Variants in ZNF76 observed in about 807,000 individuals in gnomAD.
ZNF76 encodes the protein zinc finger protein 76.
Under a neutral mutation model 66.9 loss-of-function variants are expected in ZNF76, and 66 were observed. That is an observed-to-expected ratio of 0.99 (90% CI 0.81 to 1.21). The LOEUF (loss-of-function observed/expected upper bound fraction) is 1.21, where lower values mean the gene tolerates loss of function less well. ZNF76 is among the 50% of genes most tolerant of loss of function. The probability of loss-of-function intolerance (pLI) is 0.00; values close to 1 mark genes in which losing one functional copy is unlikely to be tolerated. For missense variants in ZNF76, 729 were observed against 760.3 expected (o/e 0.96, Z 0.48); for synonymous variants, 275 against 296.1 (o/e 0.93, Z 0.73).
At position 35,294,437 on chromosome 6, in the gene ZNF76, ACCT is replaced by A. The variant is rs368941180; in HGVS notation, c.1495-15_1495-13del. The stretch of plus-strand genomic sequence containing the variant: ...GAGTATACTGCAGGTGGAATGGAAG[ACCT>A]CCTTTTGTCTTTCAGGTCACAATCA... On this transcript the variant is annotated splice_polypyrimidine_tract_variant and intron_variant, in intron 12 of 13. Coordinates refer to ENST00000373953, the MANE Select transcript of ZNF76 (RefSeq NM_003427.5). 3.8e-4 allele frequency: 591 copies of A among 1,551,252 alleles called. 3 individuals are homozygous for A. The African/African-American group carries it at 7.1e-3, about 19-fold the overall frequency.
At chr6:35,280,516 T>TCCC (rs5875514) in intron 1 of ZNF76, among the ~76,000 whole-genome samples, 1,964 of 97,644 alleles carry the variant, frequency 0.02, 40 homozygotes, top group Non-Finnish European at 0.022. Context: ...TCAAGCATGA[T>TCCC]CCCCCCCCCC....
chr6:35,292,987 G>A lies in ZNF76; in HGVS notation c.1272G>A (p.Val424=). The change falls in exon 11 of 14, where the codon GTG becomes GTA. Residue 424 remains valine (V), a synonymous_variant. Coordinates refer to ENST00000373953, the MANE Select transcript of ZNF76 (RefSeq NM_003427.5). This position sits in a 1 kb window ranked among gnomAD's most constrained non-coding sequence, Gnocchi z 4.7. ...RDDIPAQVAM[V]TEEDGAPQVA... The stretch of plus-strand genomic sequence containing the variant: ...ACATCCCAGCCCAGGTGGCGATGGT[G>A]ACTGAAGAAGATGGGGCCCCCCAGG... 1 of 1,614,176 alleles carries A rather than the reference G, an allele frequency of 6.2e-7. No homozygotes were observed. Among genetic ancestry groups the A allele is most frequent in the South Asian group, 1.1e-5 (1 of 91,072 alleles).
chr6:35,292,278 G>T lies in ZNF76; in HGVS notation c.932-276G>T. 1 of 518,328 alleles carries T rather than the reference G, an allele frequency of 1.9e-6. No homozygotes were observed. Among genetic ancestry groups the T allele is most frequent in the East Asian group, 3.4e-5 (1 of 29,510 alleles). The allele number at this position is 518,328 out of a possible 1,614,324, so 32.1% of individuals were successfully genotyped here. A position where few individuals can be genotyped will look rare whatever the true frequency, so the allele number is the denominator to read the frequency against. ...CAACCTCCCACCCTCAACCTTATAA[G>T]CCCCAGTGCCCCCTACCAGCCCCTT... On this transcript the variant is annotated intron_variant, in intron 9 of 13. Coordinates refer to ENST00000373953, the MANE Select transcript of ZNF76 (RefSeq NM_003427.5). The surrounding 1 kb of genome is among the most constrained non-coding windows in gnomAD (Gnocchi z 4.7).
rs183654998 is a variant in ZNF76 at position 35,294,957 on chromosome 6, A to G, written c.1609-187A>G. The G allele has an allele frequency of 2.9e-3, 1,757 of 598,592 alleles. 14 individuals carry two copies. Among genetic ancestry groups the G allele is most frequent in the Middle Eastern group, 0.011 (24 of 2,244 alleles). 37.1% of individuals were successfully genotyped at this position (598,592 alleles called of 1,614,324 possible). On this transcript the variant is annotated intron_variant, in intron 13 of 13. Transcript: ENST00000373953. ...CTGGCTATTCCAGGGCCCCCTGGCC[A>G]TGCCTAGCCTAATAGGACTCTTCAT...
chr6:35,294,440 T>C lies in ZNF76; in HGVS notation c.1495-16T>C. 6.4e-7 allele frequency: 1 copy of C among 1,569,656 alleles called. No homozygotes were observed. The highest frequency in any genetic ancestry group is 8.8e-7 in the Non-Finnish European group (1 of 1,140,752). ...TATACTGCAGGTGGAATGGAAGACC[T>C]CCTTTTGTCTTTCAGGTCACAATCA... is the stretch of plus-strand genomic sequence containing the variant. On this transcript the variant is annotated splice_polypyrimidine_tract_variant and intron_variant, in intron 12 of 13. Transcript: ENST00000373953.
In ZNF76 at chr6:35,292,961, G is replaced by A; in HGVS notation, c.1246G>A (p.Asp416Asn). The A allele has an allele frequency of 6.2e-7, 1 of 1,614,240 alleles. No homozygotes were observed. Among genetic ancestry groups the A allele is most frequent in the Admixed American group, 1.7e-5 (1 of 60,026 alleles). The change falls in exon 11 of 14, where the codon GAC becomes AAC. Residue 416 changes from aspartate to asparagine, a missense_variant. Asp to Asn is a conservative substitution (Grantham distance 23). Transcript: ENST00000373953. The surrounding 1 kb of genome is among the most constrained non-coding windows in gnomAD (Gnocchi z 4.7). ...TTCGGAGGTGAAGGAAGAGAGAGAT[G>A]ACATCCCAGCCCAGGTGGCGATGGT... The part of the protein sequence containing the change: ...YLSEVKEERD[D>N]IPAQVAMVTE...
chr6:35,261,234 A>G (rs1273366298), intron 1 of ZNF76, among the ~76,000 whole-genome samples: 2 of 152,224 alleles, frequency 1.3e-5, no homozygotes, highest in Admixed American at 1.3e-4. Flanking sequence ...AGAAGCTGCT[A>G]TGGATCTTAC....
At chr6:35,275,639 A>G (rs1259450279) in intron 1 of ZNF76, among the ~76,000 whole-genome samples, 1 of 152,212 alleles carries the variant, frequency 6.6e-6, no homozygotes, top group African/African-American at 2.4e-5. Flanking sequence ...AGGCAGCTTC[A>G]GAGATTGGGA....
In ZNF76 at chr6:35,281,097, C is replaced by T; in HGVS notation, c.-55C>T. 5.8e-6 allele frequency: 9 copies of T among 1,553,534 alleles called. No individual in the cohort carries two copies. The highest frequency in any genetic ancestry group is 8.0e-6 in the Non-Finnish European group (9 of 1,124,970). On this transcript the variant is annotated 5_prime_UTR_variant, in exon 2 of 14. Coordinates refer to ENST00000373953, the MANE Select transcript of ZNF76 (RefSeq NM_003427.5). ...GAAATCTCTGACCTCAGCTGTGGCT[C>T]TTGGTGCTGGCCAGAAGCCAACTTC...
chr6:35,294,035 G>A (rs1464652697), intron 12 of ZNF76, 120 bp downstream of exon 12: 7 of 1,242,434 alleles, frequency 5.6e-6, no homozygotes, highest in Admixed American at 2.5e-5. Flanking sequence ...CCCCACAAAA[G>A]AAGGGGTCTT....
intron 1 of ZNF76, among the ~76,000 whole-genome samples, chr6:35,260,761 T>G (rs1785130836): frequency 6.6e-6 from 1 of 152,164 alleles, no homozygotes; most frequent in Non-Finnish European, 1.5e-5. Context: ...TTAGATGATC[T>G]TTGAGTTTCC....
rs765349182 is a variant in ZNF76 at position 35,293,051 on chromosome 6, G to A, written c.1329+7G>A. On this transcript the variant is annotated splice_region_variant and intron_variant, in intron 11 of 13. Coordinates refer to ENST00000373953, the MANE Select transcript of ZNF76 (RefSeq NM_003427.5). ...TCAGGATGGTGCCCAGCAGGTACAGGCCCTGGAGGGCAGAGGTGCCATACT... is the reference window on the plus strand; with the variant it reads ...TCAGGATGGTGCCCAGCAGGTACAGACCCTGGAGGGCAGAGGTGCCATACT... The A allele has an allele frequency of 1.9e-6, 3 of 1,613,374 alleles. No homozygotes were observed. Among genetic ancestry groups the A allele is most frequent in the South Asian group, 1.1e-5 (1 of 91,052 alleles).
chr6:35,280,523 C>T (rs1043909886), intron 1 of ZNF76, among the ~76,000 whole-genome samples: 8 of 131,774 alleles, frequency 6.1e-5, no homozygotes, highest in Non-Finnish European at 1.2e-4. Context: ...TGATCCCCCC[C>T]CCCCCCGCCC....
chr6:35,291,340 G>T lies in ZNF76; in HGVS notation c.688G>T (p.Glu230Ter). ...TGAGAAACCATACAAGTGCCCAGAG[G>T]AGCTGTGCAGCAAGGCCTTCAAGAC... is the stretch of plus-strand genomic sequence containing the variant. ...TGEKPYKCPEELCSKAFKTSG... is the reference protein window; with the variant it reads ...TGEKPYKCPE The change falls in exon 8 of 14, where the codon GAG (glutamate) becomes TAG (stop). Residue 230 changes from glutamate to a stop codon, truncating the protein, a stop_gained. Coordinates refer to ENST00000373953, the MANE Select transcript of ZNF76 (RefSeq NM_003427.5). LOFTEE classifies it high-confidence loss of function. The T allele has an allele frequency of 6.2e-7, 1 of 1,614,042 alleles. No homozygotes were observed.
At chr6:35,276,268 T>G (rs553149189) in intron 1 of ZNF76, among the ~76,000 whole-genome samples, 95 of 152,312 alleles carry the variant, frequency 6.2e-4, no homozygotes, top group African/African-American at 2.2e-3. Context: ...ATTTTACAGA[T>G]AAAGAGGCAG....
chr6:35,262,886 C>G lies in ZNF76; in HGVS notation c.-97+3045C>G, dbSNP rs150953899. Among the ~76,000 whole-genome samples, 34 of 152,240 alleles carry G rather than the reference C, an allele frequency of 2.2e-4. No individual in the cohort carries two copies. In the East Asian group the frequency reaches 6.4e-3, roughly 29 times the overall value. ...TCCTGCCTCTCAGATTCCTCCCTCA[C>G]CTTTTCAAACCCGGATTGTCTTTCA... is the stretch of plus-strand genomic sequence containing the variant. On this transcript the variant is annotated intron_variant, in intron 1 of 13. Transcript: ENST00000373953.
intron 1 of ZNF76, among the ~76,000 whole-genome samples, chr6:35,260,663 T>C (rs1562076641): frequency 6.6e-6 from 1 of 152,288 alleles, no homozygotes; most frequent in East Asian, 1.9e-4. Context: ...TGGTCCCAGC[T>C]CTGTCACTGC....
At chr6:35,271,322 T>C (rs75177976) in intron 1 of ZNF76, among the ~76,000 whole-genome samples, 1,570 of 152,366 alleles carry the variant, frequency 0.01, 35 homozygotes, top group African/African-American at 0.035. Flanking sequence ...CCACCAGCAA[T>C]GTATGACTGT....
intron 1 of ZNF76, among the ~76,000 whole-genome samples, chr6:35,261,692 T>TA (rs1172454221): frequency 6.6e-6 from 1 of 152,218 alleles, no homozygotes; most frequent in Non-Finnish European, 1.5e-5. Flanking sequence ...AATTCCTAAA[T>TA]ACAACATCAG....
Sources: allele counts gnomAD v4.1 joint callset (sites outside exome capture counted in the v4.1 genomes callset), GRCh38; gene constraint gnomAD v4.1.1; non-coding constraint Gnocchi (gnomAD v3.1); transcripts MANE v1.5; gene names NCBI Gene and HGNC (gene_info 2026-07-23, HGNC 2026-07-21).